Variants in EYS observed in about 807,000 individuals in gnomAD.
EYS encodes EGF-like photoreceptor maintenance factor, also known as protein eyes shut homolog.
Under a neutral mutation model 282.1 loss-of-function variants are expected in EYS, and 250 were observed. The ratio of observed to expected loss-of-function variants is 0.89; its 90% confidence interval spans 0.80 to 0.98. The LOEUF is 0.98. Ranked by LOEUF, EYS falls within the 50% of genes least tolerant of loss-of-function variation. The pLI is 0.00. For synonymous variants in EYS, 1,355 were observed against 1,282.9 expected (o/e 1.06, Z -1.20); for missense variants, 4,016 against 3,709.0 (o/e 1.08, Z -2.15).
In EYS at chr6:65,495,051, C is replaced by G; in HGVS notation, c.360G>C (p.Thr120=). The G allele has an allele frequency of 6.2e-7, 1 of 1,614,110 alleles. No homozygotes were observed. Among genetic ancestry groups the G allele is most frequent in the African/African-American group, 1.3e-5 (1 of 75,022 alleles). The change falls in exon 4 of 43, where the codon ACG becomes ACC. Residue 120 remains threonine, a synonymous_variant. Coordinates refer to ENST00000503581, the MANE Select transcript of EYS (RefSeq NM_001142800.2). ...TGCAGCCAAAAAGTAACTGATCTTC[C>G]GTTGTGGTATTTTGCACACAGCCAA... ...SFVGCVQNTT[T]EDQLLFGCRL...
At chr6:65,080,004 C>G (rs927386367) in intron 12 of EYS, among the ~76,000 whole-genome samples, 1 of 151,968 alleles carries the variant, frequency 6.6e-6, no homozygotes, top group Non-Finnish European at 1.5e-5. Context: ...CCCAGAATGG[C>G]AAAGAGGAAA....
Position 64,236,870 on chromosome 6 carries a change from G to A in EYS, c.6192-6046C>T, listed in dbSNP as rs186524805. On this transcript the variant is annotated intron_variant, in intron 30 of 42. Coordinates refer to ENST00000503581, the MANE Select transcript of EYS (RefSeq NM_001142800.2). The stretch of plus-strand genomic sequence containing the variant: ...GGGATAGATACCTAATGTAAATGAC[G>A]AGTTAATGGGTGCAGCACACCAACA... Among the ~76,000 whole-genome samples, 41 of 151,454 alleles carry A rather than the reference G, an allele frequency of 2.7e-4. 1 individual carries two copies. In the East Asian group the frequency reaches 4.7e-3, roughly 17 times the overall value.
intron 26 of EYS, among the ~76,000 whole-genome samples, chr6:64,518,878 G>A (rs1049715899): frequency 6.6e-6 from 1 of 151,398 alleles, no homozygotes; most frequent in South Asian, 2.1e-4. Flanking sequence ...AGTTTCCTGA[G>A]GCCTCCCCAG....
At chr6:64,228,664 T>A (rs1442385095) in intron 31 of EYS, among the ~76,000 whole-genome samples, 3 of 152,108 alleles carry the variant, frequency 2.0e-5, no homozygotes, top group Non-Finnish European at 4.4e-5. Context: ...TATAAAATGA[T>A]TAATAATATG....
At chr6:65,686,514 G>GCA (rs1388849302) in intron 1 of EYS, among the ~76,000 whole-genome samples, 1 of 152,054 alleles carries the variant, frequency 6.6e-6, no homozygotes, top group Non-Finnish European at 1.5e-5. Flanking sequence ...GCTTGTGCTA[G>GCA]CACACACACA....
chr6:65,103,472 C>T (rs146958898), intron 12 of EYS, among the ~76,000 whole-genome samples: 379 of 151,492 alleles, frequency 2.5e-3, no homozygotes, highest in African/African-American at 8.3e-3. Context: ...TCAAAAATTA[C>T]TATCTGATCA....
At chr6:64,379,090 A>G (rs1205072646) in intron 29 of EYS, among the ~76,000 whole-genome samples, 1 of 152,098 alleles carries the variant, frequency 6.6e-6, no homozygotes, top group Non-Finnish European at 1.5e-5. Context: ...CTCTAAATTC[A>G]TGCTTCACAT....
At chr6:65,422,438 T>G (rs1767499933) in intron 5 of EYS, among the ~76,000 whole-genome samples, 1 of 151,844 alleles carries the variant, frequency 6.6e-6, no homozygotes. Flanking sequence ...TGGATCCACT[T>G]TAATACTGAA....
intron 12 of EYS, among the ~76,000 whole-genome samples, chr6:65,160,300 A>T (rs918984841): frequency 2.0e-5 from 3 of 150,866 alleles, no homozygotes; most frequent in Non-Finnish European, 4.5e-5. Flanking sequence ...GAAATGTATT[A>T]GAGAGACATT....
chr6:64,388,226 G>GC (rs1463036589), intron 29 of EYS, among the ~76,000 whole-genome samples: 2 of 152,048 alleles, frequency 1.3e-5, no homozygotes, highest in Non-Finnish European at 2.9e-5. Flanking sequence ...TAAAGAGTGG[G>GC]CTGGCATGTG....
At chr6:64,379,403 C>A (rs1200868013) in intron 29 of EYS, among the ~76,000 whole-genome samples, 1 of 152,130 alleles carries the variant, frequency 6.6e-6, no homozygotes, top group Non-Finnish European at 1.5e-5. Flanking sequence ...TTACTTTACC[C>A]ATTTTTCCCT....
intron 19 of EYS, among the ~76,000 whole-genome samples, chr6:64,855,613 A>T (rs1289350995): frequency 6.6e-6 from 1 of 152,120 alleles, no homozygotes; most frequent in Non-Finnish European, 1.5e-5. Flanking sequence ...CACAATGATG[A>T]TCCAATATTG....
chr6:64,877,086 A>G (rs989004888), intron 19 of EYS, among the ~76,000 whole-genome samples: 1 of 152,170 alleles, frequency 6.6e-6, no homozygotes, highest in Non-Finnish European at 1.5e-5. Context: ...GATCATTGCA[A>G]TATAGGTTGT....
chr6:63,821,484 T>C (rs1233508980), intron 36 of EYS: 6 of 152,122 alleles, frequency 3.9e-5, no homozygotes, highest in African/African-American at 7.2e-5. Context: ...TCCCTGAAGT[T>C]TGAGGAAAGG....
At chr6:65,068,572 G>A (rs938110345) in intron 12 of EYS, among the ~76,000 whole-genome samples, 1 of 151,866 alleles carries the variant, frequency 6.6e-6, no homozygotes, top group Non-Finnish European at 1.5e-5. Flanking sequence ...TCACCTGTGT[G>A]TCTATGTACC....
At chr6:65,170,116 AGC>A (rs1283034967) in intron 12 of EYS, among the ~76,000 whole-genome samples, 1 of 151,578 alleles carries the variant, frequency 6.6e-6, no homozygotes, top group African/African-American at 2.4e-5. Context: ...TTTAGAGAAC[AGC>A]TAAATAAGTC....
At chr6:63,942,724 A>G (rs1020404860) in intron 35 of EYS, among the ~76,000 whole-genome samples, 1 of 152,226 alleles carries the variant, frequency 6.6e-6, no homozygotes, top group Non-Finnish European at 1.5e-5. Context: ...AATAAAAAAA[A>G]CATCAGACAG....
intron 16 of EYS, among the ~76,000 whole-genome samples, chr6:64,904,172 A>G (rs1284420585): frequency 6.6e-6 from 1 of 152,194 alleles, no homozygotes; most frequent in Non-Finnish European, 1.5e-5. Flanking sequence ...ACTATGAAAC[A>G]CTAATTGTAA....
chr6:64,135,304 A>G (rs1208111437), intron 31 of EYS, among the ~76,000 whole-genome samples: 2 of 152,044 alleles, frequency 1.3e-5, no homozygotes, highest in Non-Finnish European at 2.9e-5. Context: ...AGTGATTATA[A>G]ACAAAGAATA....
Sources: gnomAD v4.1 joint callset for allele counts (sites outside exome capture counted in the v4.1 genomes callset) on GRCh38, gnomAD v4.1.1 for gene constraint, MANE v1.5 for transcripts, NCBI Gene and HGNC (gene_info 2026-07-23, HGNC 2026-07-21) for gene names.